Variants in PTK6 observed in about 807,000 individuals in gnomAD.
The protein encoded by PTK6 is protein tyrosine kinase 6.
Under a neutral mutation model 47.5 loss-of-function variants are expected in PTK6, and 47 were observed. That is an observed-to-expected ratio of 0.99 (90% confidence interval 0.78 to 1.26). The LOEUF is 1.26. Among genes scored for constraint, PTK6 ranks in the 50% most tolerant of loss-of-function variants. The pLI is 0.00. For missense variants in PTK6, 618 were observed against 625.3 expected (o/e 0.99, Z 0.12); for synonymous variants, 287 against 276.5 (o/e 1.04, Z -0.38).
chr20:63,529,539 G>A lies in PTK6; in HGVS notation c.1353C>T (p.Thr451=), dbSNP rs1471044341. 6.4e-7 allele frequency: 1 copy of A among 1,567,154 alleles called. No individual in the cohort carries two copies. Among genetic ancestry groups the A allele is most frequent in the East Asian group, 2.4e-5 (1 of 42,444 alleles). The change falls in exon 8 of 8, where the codon ACC becomes ACT. Residue 451 remains threonine, a synonymous_variant. Transcript: ENST00000542869. The surrounding 1 kb of genome is among the most constrained non-coding windows in gnomAD (Gnocchi z 5.6). ...GCCATGCCCGCTCCACAGCAGCTCA[G>A]GTCGGGTTCTCGTAGCTGGTGAAGC... ...LSSFTSYENP[T] is the part of the protein sequence containing the mutation.
At position 63,533,933 on chromosome 20, in the gene PTK6, T is replaced by G. The variant is rs1362762859; in HGVS notation, c.516+219A>C. ...AGGACCCTGCAGAGTGCCGCTGGCC[T>G]CTCCGAGAGTGGCCAGGCCCGGGGA... On this transcript the variant is annotated intron_variant, in intron 3 of 7. Coordinates refer to ENST00000542869, the MANE Select transcript of PTK6 (RefSeq NM_005975.4). The surrounding 1 kb of genome is among the most constrained non-coding windows in gnomAD (Gnocchi z 4.0). 5.9e-5 allele frequency among the ~76,000 whole-genome samples: 9 copies of G among 152,070 alleles called. No homozygotes were observed. Among genetic ancestry groups the G allele is most frequent in the Admixed American group, 5.9e-4 (9 of 15,284 alleles).
At chr20:63,532,335 ATG>A (rs1215415736) in intron 5 of PTK6, among the ~76,000 whole-genome samples, 189 bp downstream of exon 5, 11 of 108,592 alleles carry the variant, frequency 1.0e-4, no homozygotes, top group Admixed American at 7.6e-4. Context: ...GTCTGTGTGC[ATG>A]TGTGTGTGCA....
At chr20:63,532,242 CTG>C (rs1415880198) in intron 5 of PTK6, among the ~76,000 whole-genome samples, 13 of 141,740 alleles carry the variant, frequency 9.2e-5, no homozygotes, top group Non-Finnish European at 1.7e-4. Flanking sequence ...TTGTGTGTCT[CTG>C]TGTGTGTGTC....
Position 63,529,608 on chromosome 20 carries a change from G to C in PTK6, c.1284C>G (p.Pro428=), listed in dbSNP as rs372955192. The stretch of plus-strand genomic sequence containing the variant: ...GGGCCTTGAAGCAGGGTCTCTGCTC[G>C]GGGTCCCTGCACCAGCATGTCAGCA... ...KLMLTCWCRD[P]EQRPCFKALR... Residue 428 remains proline, a synonymous_variant, in exon 8 of 8, where the codon CCC becomes CCG. Coordinates refer to ENST00000542869, the MANE Select transcript of PTK6 (RefSeq NM_005975.4). This position sits in a 1 kb window ranked among gnomAD's most constrained non-coding sequence, Gnocchi z 5.6. The C allele has an allele frequency of 1.3e-6, 2 of 1,560,580 alleles. No individual in the cohort carries two copies. The highest frequency in any genetic ancestry group is 1.7e-6 in the Non-Finnish European group (2 of 1,152,756).
intron 1 of PTK6, among the ~76,000 whole-genome samples, chr20:63,535,614 C>T (rs899358596): frequency 5.9e-5 from 9 of 151,982 alleles, no homozygotes; most frequent in Non-Finnish European, 1.0e-4. Context: ...GTGACCTGCG[C>T]CCTTTGTGTG....
chr20:63,532,231 T>C (rs1168524350), intron 5 of PTK6, among the ~76,000 whole-genome samples: 1 of 148,960 alleles, frequency 6.7e-6, no homozygotes, highest in Non-Finnish European at 1.5e-5. Context: ...TGTGATCTGT[T>C]TTGTGTGTCT....
chr20:63,531,574 C>T (rs914833314), intron 5 of PTK6, among the ~76,000 whole-genome samples: 1 of 148,538 alleles, frequency 6.7e-6, no homozygotes, highest in African/African-American at 2.5e-5. Context: ...GAGACTGCGC[C>T]ATTGCACTCC....
chr20:63,534,417 A>T, intron 2 of PTK6, 102 bp from the exon 3 acceptor site: 2 of 1,411,362 alleles, frequency 1.4e-6, no homozygotes, highest in South Asian at 2.8e-5. Flanking sequence ...GGGTCCCCAC[A>T]GTTGCTGTTG....
rs767093219 is a variant in PTK6, at chr20:63,535,107, TGGACCCCACGCTGGCCCCA to T, written c.231-67_231-49del. 2.6e-6 allele frequency: 4 copies of T among 1,544,356 alleles called. No homozygotes were observed. In the Admixed American group the frequency reaches 7.3e-5, roughly 28 times the overall value. ...CACGCGGACCTGGGCCCACCCCACG[TGGACCCCACGCTGGCCCCA>T]GCCTGCCCGCCTGGAACCCCAGCCG... is the stretch of plus-strand genomic sequence containing the variant. On this transcript the variant is annotated intron_variant, in intron 1 of 7. Coordinates refer to ENST00000542869, the MANE Select transcript of PTK6 (RefSeq NM_005975.4).
rs2082643809 is a variant in PTK6, at chr20:63,533,846, A to G, written c.517-142T>C. Reference sequence around the variant, plus strand: ...TGGGGGTTTCTGAGTGTCTGACACAAGGGTGGACTCTCCTGGGGGCTGCCC... The same window carrying G: ...TGGGGGTTTCTGAGTGTCTGACACAGGGGTGGACTCTCCTGGGGGCTGCCC... On this transcript the variant is annotated intron_variant, in intron 3 of 7. Coordinates refer to ENST00000542869, the MANE Select transcript of PTK6 (RefSeq NM_005975.4). The surrounding 1 kb of genome is among the most constrained non-coding windows in gnomAD (Gnocchi z 4.0). 1.6e-6 allele frequency: 2 copies of G among 1,231,112 alleles called. No homozygotes were observed. Among genetic ancestry groups the G allele is most frequent in the Non-Finnish European group, 2.2e-6 (2 of 906,352 alleles). 76.3% of individuals were successfully genotyped at this position (1,231,112 alleles called of 1,614,324 possible).
In PTK6 at chr20:63,537,315, G is replaced by T; in HGVS notation, c.-1C>A. The T allele has an allele frequency of 1.2e-6, 2 of 1,605,624 alleles. No homozygotes were observed. Among genetic ancestry groups the T allele is most frequent in the Non-Finnish European group, 1.7e-6 (2 of 1,176,740 alleles). ...GGTGAGCCTGGTCCCGGGACACCAT[G>T]GCGGGCGGGCGCAGCGGCAGGACCA... is the stretch of plus-strand genomic sequence containing the variant. On this transcript the variant is annotated 5_prime_UTR_variant, in exon 1 of 8. Transcript: ENST00000542869.
chr20:63,532,658 A>G lies in PTK6; in HGVS notation c.700T>C (p.Ser234Pro). 1.2e-6 allele frequency: 2 copies of G among 1,613,936 alleles called. No individual in the cohort carries two copies. The highest frequency in any genetic ancestry group is 1.7e-6 in the Non-Finnish European group (2 of 1,179,970). The change falls in exon 5 of 8, where the codon TCG (serine) becomes CCG (proline). Residue 234 changes from serine to proline, a missense_variant. By Grantham distance (74) the Ser-to-Pro change is moderately conservative. Coordinates refer to ENST00000542869, the MANE Select transcript of PTK6 (RefSeq NM_005975.4). ...DNLLHQQMLQSEIQAMKKLRH... is the reference protein window; with the variant it reads ...DNLLHQQMLQPEIQAMKKLRH... ...AGCTTCTTCATGGCCTGGATCTCCG[A>G]CTGCAGCATCTGCTGGTGCAGGAGG...
chr20:63,535,505 G>A (rs925113118), intron 1 of PTK6, among the ~76,000 whole-genome samples: 2 of 152,010 alleles, frequency 1.3e-5, no homozygotes, highest in Non-Finnish European at 2.9e-5. Flanking sequence ...ACGCTCACAC[G>A]CACGCACACA....
chr20:63,532,023 C>G (rs955476372), intron 5 of PTK6, among the ~76,000 whole-genome samples: 17 of 152,254 alleles, frequency 1.1e-4, no homozygotes, highest in African/African-American at 2.4e-4. Flanking sequence ...TGCGCCTTCA[C>G]GCACGGGCAT....
rs751325121 is a variant in PTK6, at chr20:63,534,298, C to A, written c.370G>T (p.Val124Leu). ...YVLSVRDTQA[V>L]RHYKIWRRAG... ...CGCCGCCAGATCTTGTAGTGCCGCA[C>A]AGCCTGCGTGTCCCGCACTGGGAGG... Residue 124 changes from valine to leucine, a missense_variant, in exon 3 of 8, where the codon GTG becomes TTG. Physicochemically the swap from Val to Leu is conservative, Grantham distance 32. Transcript: ENST00000542869. The A allele has an allele frequency of 6.2e-7, 1 of 1,606,008 alleles. No individual in the cohort carries two copies. The highest frequency in any genetic ancestry group is 8.5e-7 in the Non-Finnish European group (1 of 1,177,866).
At chr20:63,535,293 C>A (rs1043440064) in intron 1 of PTK6, among the ~76,000 whole-genome samples, 2 of 152,186 alleles carry the variant, frequency 1.3e-5, no homozygotes, top group African/African-American at 4.8e-5. Context: ...GCTACCACAC[C>A]CTGCCCTGAG....
rs781417520 is a variant in PTK6, at chr20:63,529,588, T to C, written c.1304A>G (p.Lys435Arg). The part of the protein sequence containing the change: ...CRDPEQRPCF[K>R]ALRERLSSFT... Reference sequence around the variant, plus strand: ...GCTGGAGAGCCTCTCCCGCAGGGCCTTGAAGCAGGGTCTCTGCTCGGGGTC... The same window carrying C: ...GCTGGAGAGCCTCTCCCGCAGGGCCCTGAAGCAGGGTCTCTGCTCGGGGTC... The change falls in exon 8 of 8, where the codon AAG (lysine) becomes AGG (arginine). Residue 435 changes from lysine (K) to arginine (R), a missense_variant. By Grantham distance (26) the Lys-to-Arg change is conservative. Coordinates refer to ENST00000542869, the MANE Select transcript of PTK6 (RefSeq NM_005975.4). This position sits in a 1 kb window ranked among gnomAD's most constrained non-coding sequence, Gnocchi z 5.6. 3 of 1,573,860 alleles carry C rather than the reference T, an allele frequency of 1.9e-6. No individual in the cohort carries two copies. The highest frequency in any genetic ancestry group is 1.3e-5 in the African/African-American group (1 of 74,146).
chr20:63,534,871 G>T (rs766855713), intron 2 of PTK6, 67 bp downstream of exon 2: 4 of 1,519,190 alleles, frequency 2.6e-6, no homozygotes, highest in African/African-American at 2.8e-5. Flanking sequence ...GGTTCACCAC[G>T]TGGCTGGGAG....
chr20:63,535,496 C>T (rs755252615), intron 1 of PTK6, among the ~76,000 whole-genome samples: 3 of 152,098 alleles, frequency 2.0e-5, no homozygotes, highest in African/African-American at 4.8e-5. Flanking sequence ...CTTGCCCACA[C>T]GCTCACACGC....
Sources: gnomAD v4.1 joint callset for allele counts (sites outside exome capture counted in the v4.1 genomes callset) on GRCh38, gnomAD v4.1.1 for gene constraint, Gnocchi (gnomAD v3.1) non-coding constraint, MANE v1.5 for transcripts, NCBI Gene and HGNC (gene_info 2026-07-23, HGNC 2026-07-21) for gene names.